MAP4: variants seen among roughly 807,000 people sequenced by gnomAD.
MAP4 encodes the protein microtubule-associated protein 4.
A neutral mutation model predicts 170.2 loss-of-function variants in MAP4; 76 were observed. The ratio of observed to expected loss-of-function variants is 0.45; its 90% CI spans 0.37 to 0.54. The LOEUF (loss-of-function observed/expected upper bound fraction) is 0.54, where lower values mean the gene tolerates loss of function less well. Ranked by LOEUF, MAP4 falls within the 20% of genes least tolerant of loss-of-function variation. The pLI, the probability that MAP4 is intolerant of heterozygous loss-of-function variation, is 0.00. For missense variants in MAP4, 2,506 were observed against 2,748.0 expected (o/e 0.91, Z 1.97); for synonymous variants, 909 against 994.5 (o/e 0.91, Z 1.62).
At chr3:48,016,801 G>T (rs2100108037), upstream of MAP4, among the ~76,000 whole-genome samples, 1 of 150,040 alleles carries the variant, frequency 6.7e-6, no homozygotes, top group African/African-American at 2.5e-5. Context: ...TTGAGACAGG[G>T]TCTTGGCCTG....
chr3:47,975,142 C>T, intron 3 of MAP4: 1 of 1,115,794 alleles, frequency 9.0e-7, no homozygotes, highest in Non-Finnish European at 1.1e-6. Context: ...ATGATAAAAT[C>T]ATAAAGAAAA....
At chr3:48,008,148 T>A (rs1011986628) in intron 1 of MAP4, among the ~76,000 whole-genome samples, 1 of 152,166 alleles carries the variant, frequency 6.6e-6, no homozygotes, top group African/African-American at 2.4e-5. Flanking sequence ...GGTATATACG[T>A]GATCGGGCTC....
chr3:47,901,372 A>G (rs1374232380), intron 10 of MAP4, among the ~76,000 whole-genome samples: 2 of 152,188 alleles, frequency 1.3e-5, no homozygotes, highest in South Asian at 2.1e-4. Context: ...TAAATACTAA[A>G]AAGTACAAAT....
intron 1 of MAP4, among the ~76,000 whole-genome samples, chr3:48,078,229 T>A (rs2154568863): frequency 6.6e-6 from 1 of 152,160 alleles, no homozygotes; most frequent in South Asian, 2.1e-4. Context: ...CAATCTCAAA[T>A]TCTTTGGCTC....
intron 19 of MAP4, among the ~76,000 whole-genome samples, chr3:47,854,213 C>T (rs2050117794): frequency 1.3e-5 from 2 of 152,194 alleles, no homozygotes; most frequent in Non-Finnish European, 2.9e-5. Flanking sequence ...AATCCTGGTC[C>T]ACGCTCGCTC....
At chr3:48,040,338 G>A (rs1579469710) in intron 1 of MAP4, among the ~76,000 whole-genome samples, 3 of 151,668 alleles carry the variant, frequency 2.0e-5, no homozygotes, top group Admixed American at 6.6e-5. Flanking sequence ...GCGTGATCTC[G>A]GCTCACTGCA....
chr3:48,088,179 C>T (rs2100150351), intron 1 of MAP4, among the ~76,000 whole-genome samples: 1 of 151,724 alleles, frequency 6.6e-6, no homozygotes, highest in South Asian at 2.1e-4. Flanking sequence ...CCTCCCCACC[C>T]CCACCCTAAT....
intron 3 of MAP4, chr3:47,975,470 G>A (rs746898585): frequency 4.5e-6 from 7 of 1,565,418 alleles, no homozygotes; most frequent in Non-Finnish European, 5.2e-6. Context: ...AGGCTTCTAG[G>A]AGGAGAAAAA....
chr3:47,935,960 T>C (rs1465039490), intron 3 of MAP4, among the ~76,000 whole-genome samples: 1 of 149,320 alleles, frequency 6.7e-6, no homozygotes, highest in Non-Finnish European at 1.5e-5. Context: ...AAAAAAAATA[T>C]TAGGAATATA....
chr3:48,020,825 T>C (rs553170743), upstream of MAP4, among the ~76,000 whole-genome samples: 2 of 152,276 alleles, frequency 1.3e-5, no homozygotes, highest in Admixed American at 1.3e-4. Flanking sequence ...TCACACTATG[T>C]TGCCCAGGCT....
chr3:47,989,635 T>C (rs2100090924), intron 2 of MAP4, among the ~76,000 whole-genome samples: 1 of 151,914 alleles, frequency 6.6e-6, no homozygotes, highest in Non-Finnish European at 1.5e-5. Context: ...ATACAACACC[T>C]CACAATCTAA....
intron 10 of MAP4, chr3:47,891,679 G>C: frequency 6.5e-7 from 1 of 1,536,380 alleles, no homozygotes; most frequent in Non-Finnish European, 8.7e-7. Context: ...CCTTATCATG[G>C]TCTCTGATGT....
At chr3:47,889,104 G>A (rs1219654629) in intron 10 of MAP4, among the ~76,000 whole-genome samples, 2 of 152,210 alleles carry the variant, frequency 1.3e-5, no homozygotes, top group Non-Finnish European at 2.9e-5. Flanking sequence ...TACAAGGGAA[G>A]CAAAAAGAGA....
At chr3:48,051,880 C>A (rs957748655) in intron 1 of MAP4, among the ~76,000 whole-genome samples, 1 of 152,138 alleles carries the variant, frequency 6.6e-6, no homozygotes, top group African/African-American at 2.4e-5. Flanking sequence ...AAGATAATAT[C>A]CTACTGCCAA....
intron 6 of MAP4, among the ~76,000 whole-genome samples, chr3:47,918,232 C>A (rs1259732240): frequency 6.6e-6 from 1 of 152,174 alleles, no homozygotes; most frequent in African/African-American, 2.4e-5. Context: ...GATCTGCCCG[C>A]CTTGGCCTCC....
intron 1 of MAP4, among the ~76,000 whole-genome samples, chr3:48,056,426 C>G (rs2100131641): frequency 3.1e-5 from 3 of 96,302 alleles, no homozygotes; most frequent in Non-Finnish European, 6.7e-5. Context: ...GCCGCCCCGT[C>G]CGGGAGGGAG....
chr3:47,857,240 C>T (rs568603797), intron 18 of MAP4, among the ~76,000 whole-genome samples, 191 bp downstream of exon 18: 2 of 152,206 alleles, frequency 1.3e-5, no homozygotes, highest in Non-Finnish European at 2.9e-5. Context: ...AGAAACTGCT[C>T]CTCCTCCACT....
intron 3 of MAP4, among the ~76,000 whole-genome samples, chr3:47,972,083 G>C (rs938072344): frequency 3.3e-5 from 5 of 152,194 alleles, no homozygotes; most frequent in African/African-American, 1.2e-4. Flanking sequence ...TAAATTAAGT[G>C]TTCTTAACTA....
At chr3:47,888,285 C>T (rs995647452) in intron 10 of MAP4, among the ~76,000 whole-genome samples, 4 of 152,126 alleles carry the variant, frequency 2.6e-5, no homozygotes, top group East Asian at 1.9e-4. Context: ...ACTGGTAACC[C>T]GCTCGGGTCC....
Sources: gnomAD v4.1 joint callset for allele counts (sites outside exome capture counted in the v4.1 genomes callset) on GRCh38, gnomAD v4.1.1 for gene constraint, MANE v1.5 for transcripts, NCBI Gene and HGNC (gene_info 2026-07-23, HGNC 2026-07-21) for gene names.